Variants in SYN3 observed in about 807,000 individuals in gnomAD.
SYN3 encodes the protein synapsin III, also known as synapsin-3.
Under a neutral mutation model 65.8 loss-of-function variants are expected in SYN3, and 35 were observed. That is an observed-to-expected ratio of 0.53 (90% CI 0.41 to 0.70). The LOEUF (loss-of-function observed/expected upper bound fraction) is 0.70, where lower values mean the gene tolerates loss of function less well. SYN3 is among the 30% of genes least tolerant of loss of function. The pLI is 0.00. For missense variants in SYN3, 680 were observed against 749.0 expected, an observed-to-expected ratio of 0.91 and a Z score of 1.08; for synonymous variants, 270 against 292.9, an observed-to-expected ratio of 0.92 and a Z score of 0.80.
intron 6 of SYN3, among the ~76,000 whole-genome samples, chr22:32,772,690 A>G (rs970107275): frequency 6.6e-6 from 1 of 152,198 alleles, no homozygotes; most frequent in African/African-American, 2.4e-5. Flanking sequence ...GAGACTTAAG[A>G]CAAAAAATGA....
At chr22:32,628,391 G>T (rs2059699414) in intron 6 of SYN3, among the ~76,000 whole-genome samples, 1 of 152,164 alleles carries the variant, frequency 6.6e-6, no homozygotes, top group South Asian at 2.1e-4. Context: ...TGAGGAGGAA[G>T]AGGCCCTGGA....
In SYN3 at chr22:32,509,473, CTA is replaced by C. The variant is rs759375204; in HGVS notation, c.*4217_*4218del. On this transcript the variant is annotated 3_prime_UTR_variant, in exon 14 of 14. Coordinates refer to ENST00000358763, the MANE Select transcript of SYN3 (RefSeq NM_003490.4). ...ATGTTTGGAAGGAACAGGTACTAGTCTATGTGACAGAACAGACTATTTTAGGG... is the reference window on the plus strand; with the variant it reads ...ATGTTTGGAAGGAACAGGTACTAGTCTGTGACAGAACAGACTATTTTAGGG... Among the ~76,000 whole-genome samples the C allele has an allele frequency of 5.6e-4, 85 of 152,266 alleles. No homozygotes were observed. Among genetic ancestry groups the C allele is most frequent in the Non-Finnish European group, 8.1e-4 (55 of 68,020 alleles).
chr22:32,528,072 A>G, intron 11 of SYN3, 67 bp from the exon 12 acceptor site: 1 of 1,214,128 alleles, frequency 8.2e-7, no homozygotes, highest in Non-Finnish European at 1.1e-6. Context: ...GTGAGAGGGC[A>G]GCATTTATGA....
intron 6 of SYN3, among the ~76,000 whole-genome samples, chr22:32,830,876 T>A (rs2047553255): frequency 6.6e-6 from 1 of 152,122 alleles, no homozygotes; most frequent in African/African-American, 2.4e-5. Flanking sequence ...CGTAGCAAAA[T>A]CCACCCAGAA....
rs1568986314 is a variant in SYN3 at position 32,508,389 on chromosome 22, C to G, written c.*5303G>C. On this transcript the variant is annotated 3_prime_UTR_variant, in exon 14 of 14. Coordinates refer to ENST00000358763, the MANE Select transcript of SYN3 (RefSeq NM_003490.4). ...ATCCTATAAAACGGCCCCATCCCTACTCCCTTTGCTGACTCTCTTTTCGGA... is the reference window on the plus strand; with the variant it reads ...ATCCTATAAAACGGCCCCATCCCTAGTCCCTTTGCTGACTCTCTTTTCGGA... Among the ~76,000 whole-genome samples, 1 of 151,990 alleles carries G rather than the reference C, an allele frequency of 6.6e-6. No individual in the cohort carries two copies. The highest frequency in any genetic ancestry group is 1.5e-5 in the Non-Finnish European group (1 of 68,006).
At chr22:32,572,292 TCC>T (rs2058774253) in intron 7 of SYN3, among the ~76,000 whole-genome samples, 3 of 25,524 alleles carry the variant, frequency 1.2e-4, no homozygotes, top group South Asian at 2.1e-3. Flanking sequence ...CCTCCCTCCT[TCC>T]TTCCTTCCCT....
chr22:32,811,490 T>C (rs1396577214), intron 6 of SYN3, among the ~76,000 whole-genome samples: 2 of 152,188 alleles, frequency 1.3e-5, no homozygotes, highest in Non-Finnish European at 2.9e-5. Context: ...TAGAGAGAGC[T>C]GAGTTTCAAT....
intron 6 of SYN3, among the ~76,000 whole-genome samples, chr22:32,753,871 C>T (rs1349552973): frequency 6.6e-6 from 1 of 152,194 alleles, no homozygotes; most frequent in Non-Finnish European, 1.5e-5. Context: ...GAGCCAGGGG[C>T]CTGCTCTCAC....
intron 6 of SYN3, among the ~76,000 whole-genome samples, chr22:32,711,592 TC>T (rs1202249772): frequency 6.6e-6 from 1 of 151,612 alleles, no homozygotes; most frequent in Non-Finnish European, 1.5e-5. Flanking sequence ...TTGCTGTCCT[TC>T]TCCAGATTCC....
At chr22:33,040,566 T>G (rs2053945591) in intron 1 of SYN3, among the ~76,000 whole-genome samples, 1 of 152,192 alleles carries the variant, frequency 6.6e-6, no homozygotes, top group Non-Finnish European at 1.5e-5. Flanking sequence ...TGCTCCTCGA[T>G]ATATGTCTGA....
At chr22:33,016,734 C>A (rs1292317528) in intron 1 of SYN3, among the ~76,000 whole-genome samples, 1 of 152,046 alleles carries the variant, frequency 6.6e-6, no homozygotes, top group African/African-American at 2.4e-5. Context: ...TTTACTTGCC[C>A]ATTTTTTGAT....
At chr22:32,847,145 T>C (rs2146229691) in intron 6 of SYN3, among the ~76,000 whole-genome samples, 1 of 152,278 alleles carries the variant, frequency 6.6e-6, no homozygotes, top group South Asian at 2.1e-4. Flanking sequence ...AGAAGATGGG[T>C]CCAAATCATT....
At chr22:32,841,125 G>T (rs8136803) in intron 6 of SYN3, among the ~76,000 whole-genome samples, 14,443 of 152,246 alleles carry the variant, frequency 0.095, 746 homozygotes, top group African/African-American at 0.14. Context: ...GAAATCACAC[G>T]TAGCTTCCCA....
At chr22:32,939,540 A>G (rs1488702424) in intron 3 of SYN3, among the ~76,000 whole-genome samples, 2 of 152,188 alleles carry the variant, frequency 1.3e-5, no homozygotes, top group Non-Finnish European at 2.9e-5. Context: ...CCACACCATG[A>G]TGCTACCATT....
chr22:33,013,723 A>G (rs1031230504), intron 1 of SYN3, among the ~76,000 whole-genome samples: 2 of 152,220 alleles, frequency 1.3e-5, no homozygotes, highest in Admixed American at 1.3e-4. Context: ...CGCTTTCCCC[A>G]TTCAGCCCCC....
At chr22:32,970,579 G>A (rs979496567) in intron 3 of SYN3, among the ~76,000 whole-genome samples, 1 of 150,942 alleles carries the variant, frequency 6.6e-6, no homozygotes, top group Admixed American at 6.6e-5. Context: ...AGGTAAAGAC[G>A]GAGAGCTACG....
intron 6 of SYN3, among the ~76,000 whole-genome samples, chr22:32,835,333 G>A (rs543387549): frequency 2.6e-5 from 4 of 152,264 alleles, no homozygotes; most frequent in Admixed American, 2.0e-4. Context: ...ATGTAATTCC[G>A]GCAGAATTTA....
At chr22:32,948,700 G>A (rs1242064914) in intron 3 of SYN3, among the ~76,000 whole-genome samples, 1 of 151,818 alleles carries the variant, frequency 6.6e-6, no homozygotes, top group Non-Finnish European at 1.5e-5. Flanking sequence ...TCGCGTCACT[G>A]CACTCCAGCC....
intron 4 of SYN3, among the ~76,000 whole-genome samples, chr22:32,875,725 A>T (rs1331456653): frequency 4.6e-5 from 7 of 152,220 alleles, no homozygotes; most frequent in Non-Finnish European, 1.0e-4. Context: ...TAATACAGGG[A>T]ATTTCAAGGA....
Sources: allele counts gnomAD v4.1 joint callset (sites outside exome capture counted in the v4.1 genomes callset), GRCh38; gene constraint gnomAD v4.1.1; transcripts MANE v1.5; gene names NCBI Gene and HGNC (gene_info 2026-07-23, HGNC 2026-07-21).